SLCO6A1: variants seen among roughly 807,000 people sequenced by gnomAD.
SLCO6A1 encodes cancer/testis antigen 48.
In SLCO6A1, 65 loss-of-function variants were observed where a neutral mutation model predicts 72.7. The ratio of observed to expected loss-of-function variants is 0.89; its 90% CI spans 0.73 to 1.10. SLCO6A1 has a LOEUF of 1.10. Among genes scored for constraint, SLCO6A1 ranks in the 50% least tolerant of loss-of-function variants. The pLI is 0.00. For missense variants in SLCO6A1, 874 were observed against 872.6 expected, an observed-to-expected ratio of 1.00 and a Z score of -0.02; for synonymous variants, 314 against 298.2, an observed-to-expected ratio of 1.05 and a Z score of -0.55.
At chr5:102,455,873 C>T (rs543080268) in intron 6 of SLCO6A1, among the ~76,000 whole-genome samples, 1 of 152,116 alleles carries the variant, frequency 6.6e-6, no homozygotes, top group East Asian at 1.9e-4. Context: ...ACTGGTGAAC[C>T]GAATCCATTA....
At chr5:102,490,338 T>A (rs986692194) in intron 1 of SLCO6A1, among the ~76,000 whole-genome samples, 1 of 152,194 alleles carries the variant, frequency 6.6e-6, no homozygotes, top group African/African-American at 2.4e-5. Context: ...AAACATAAAT[T>A]GAAATACTAC....
chr5:102,420,778 T>C (rs931055132), intron 7 of SLCO6A1, among the ~76,000 whole-genome samples: 3 of 152,154 alleles, frequency 2.0e-5, no homozygotes, highest in Non-Finnish European at 4.4e-5. Flanking sequence ...ATTAAATTTA[T>C]AGAAGTGCCT....
At position 102,498,873 on chromosome 5, in the gene SLCO6A1, C is replaced by G. The variant is rs761048067; in HGVS notation, c.-29G>C. 108 of 1,574,266 alleles carry G rather than the reference C, an allele frequency of 6.9e-5. No individual in the cohort carries two copies. Among genetic ancestry groups the G allele is most frequent in the Non-Finnish European group, 8.8e-5 (102 of 1,161,962 alleles). Reference sequence around the variant, plus strand: ...TCACCCTGGGCGGCTCCTGGCGACGCGGCCCGAGTGCTCTCGGCTGCCCGT... The same window carrying G: ...TCACCCTGGGCGGCTCCTGGCGACGGGGCCCGAGTGCTCTCGGCTGCCCGT... On this transcript the variant is annotated 5_prime_UTR_variant, in exon 1 of 14. Transcript: ENST00000506729.
chr5:102,419,950 A>G lies in SLCO6A1; in HGVS notation c.1348T>C (p.Ser450Pro). 1 of 1,608,240 alleles carries G rather than the reference A, an allele frequency of 6.2e-7. No homozygotes were observed. Reference protein sequence around the residue: ...GGVIVSTLEMSCKALMRFIMV... With the variant: ...GGVIVSTLEMPCKALMRFIMV... Reference sequence around the variant, plus strand: ...ATAAATCTCATAAGGGCTTTACAAGACATTTCTAATGTGGAAACAATGACA... The same window carrying G: ...ATAAATCTCATAAGGGCTTTACAAGGCATTTCTAATGTGGAAACAATGACA... Residue 450 changes from serine (S) to proline (P), a missense_variant, in exon 8 of 14, where the codon TCT becomes CCT. By Grantham distance (74) the Ser-to-Pro change is moderately conservative (BLOSUM62 -1). Transcript: ENST00000506729.
intron 4 of SLCO6A1, among the ~76,000 whole-genome samples, chr5:102,464,978 T>C (rs1751238395): frequency 6.6e-6 from 1 of 152,086 alleles, no homozygotes; most frequent in South Asian, 2.1e-4. Context: ...TACCTCAGAA[T>C]CTGCTAGTGC....
chr5:102,447,172 A>T (rs568720690), intron 6 of SLCO6A1, among the ~76,000 whole-genome samples: 50 of 152,254 alleles, frequency 3.3e-4, no homozygotes, highest in South Asian at 6.2e-4. Flanking sequence ...ACATTTAGTG[A>T]TTTGTGTATG....
At chr5:102,397,971 C>A (rs1747189313) in intron 10 of SLCO6A1, among the ~76,000 whole-genome samples, 1 of 152,098 alleles carries the variant, frequency 6.6e-6, no homozygotes, top group Non-Finnish European at 1.5e-5. Context: ...TCTTTCATCT[C>A]ACTGCTGGAA....
intron 6 of SLCO6A1, among the ~76,000 whole-genome samples, chr5:102,453,288 T>C (rs918741257): frequency 2.7e-5 from 4 of 150,506 alleles, no homozygotes; most frequent in African/African-American, 9.8e-5. Context: ...CAGTGAGCCA[T>C]GATCATGCTG....
chr5:102,418,610 C>G (rs941636903), intron 8 of SLCO6A1, among the ~76,000 whole-genome samples: 2 of 152,134 alleles, frequency 1.3e-5, no homozygotes, highest in Non-Finnish European at 2.9e-5. Context: ...CATATTATCT[C>G]TCTATGACAC....
chr5:102,453,078 C>T (rs1209430465), intron 6 of SLCO6A1, among the ~76,000 whole-genome samples: 1 of 151,994 alleles, frequency 6.6e-6, no homozygotes, highest in African/African-American at 2.4e-5. Context: ...TAAAAGGAAA[C>T]TTTGGTTATG....
At chr5:102,385,435 T>C (rs924157136) in intron 12 of SLCO6A1, among the ~76,000 whole-genome samples, 13 of 152,198 alleles carry the variant, frequency 8.5e-5, no homozygotes, top group South Asian at 2.1e-4. Flanking sequence ...ACTCTCATAA[T>C]GCATAGATTG....
At chr5:102,483,176 T>G (rs59603010) in intron 1 of SLCO6A1, among the ~76,000 whole-genome samples, 3,576 of 152,280 alleles carry the variant, frequency 0.023, 142 homozygotes, top group African/African-American at 0.082. Flanking sequence ...TGGCTTTCTT[T>G]TGGTGAACAT....
chr5:102,410,875 G>A (rs1284336408), intron 9 of SLCO6A1, among the ~76,000 whole-genome samples: 2 of 152,150 alleles, frequency 1.3e-5, no homozygotes, highest in Admixed American at 6.6e-5. Context: ...ACAAGTTAGG[G>A]TGACTTCTGA....
chr5:102,492,722 G>A (rs1250897361), intron 1 of SLCO6A1, among the ~76,000 whole-genome samples: 1 of 152,196 alleles, frequency 6.6e-6, no homozygotes, highest in African/African-American at 2.4e-5. Flanking sequence ...TTAGCAAAGA[G>A]CACACCAGAA....
intron 4 of SLCO6A1, among the ~76,000 whole-genome samples, chr5:102,466,840 G>A (rs1467461371): frequency 6.6e-6 from 1 of 152,016 alleles, no homozygotes; most frequent in East Asian, 1.9e-4. Context: ...GTCTGTTCAT[G>A]TCCTTTGCCT....
intron 4 of SLCO6A1, among the ~76,000 whole-genome samples, chr5:102,466,740 C>A (rs10076433): frequency 2.6e-5 from 4 of 151,762 alleles, no homozygotes; most frequent in East Asian, 3.9e-4. Context: ...TACCTCATTG[C>A]GGTTTTGATT....
intron 7 of SLCO6A1, among the ~76,000 whole-genome samples, chr5:102,426,549 C>A (rs2112636647): frequency 6.6e-6 from 1 of 152,170 alleles, no homozygotes; most frequent in Non-Finnish European, 1.5e-5. Context: ...TAGAGAAATG[C>A]AAATCAAAAC....
chr5:102,420,066 A>G, intron 7 of SLCO6A1, 45 bp from the exon 8 acceptor site: 1 of 1,430,100 alleles, frequency 7.0e-7, no homozygotes, highest in Non-Finnish European at 9.4e-7. Context: ...TAATCAGCTG[A>G]TAGTACAGAT....
At chr5:102,448,631 T>C (rs1241017565) in intron 6 of SLCO6A1, among the ~76,000 whole-genome samples, 1 of 152,184 alleles carries the variant, frequency 6.6e-6, no homozygotes, top group Non-Finnish European at 1.5e-5. Context: ...AATGCCCCCC[T>C]TTGTCCTTTT....
Sources: gnomAD v4.1 joint callset for allele counts (sites outside exome capture counted in the v4.1 genomes callset) on GRCh38, gnomAD v4.1.1 for gene constraint, MANE v1.5 for transcripts, NCBI Gene and HGNC (gene_info 2026-07-23, HGNC 2026-07-21) for gene names.